The following ATP10B variants were observed in gnomAD, a reference collection of about 807,000 sequenced individuals.
ATP10B encodes the protein phospholipid-transporting ATPase VB.
Under a neutral mutation model 141.2 loss-of-function variants are expected in ATP10B, and 122 were observed. The ratio of observed to expected loss-of-function variants is 0.86; its 90% CI spans 0.75 to 1.00. The LOEUF (loss-of-function observed/expected upper bound fraction) is 1.00. ATP10B is among the 50% of genes least tolerant of loss of function. The probability of loss-of-function intolerance (pLI) is 0.00; values close to 1 mark genes in which losing one functional copy is unlikely to be tolerated. For missense variants in ATP10B, 1,876 were observed against 1,825.3 expected (o/e 1.03, Z -0.51); for synonymous variants, 685 against 692.0 (o/e 0.99, Z 0.16).
intron 7 of ATP10B, among the ~76,000 whole-genome samples, chr5:160,656,787 C>G (rs1272365664): frequency 6.6e-6 from 1 of 151,974 alleles, no homozygotes; most frequent in Non-Finnish European, 1.5e-5. Context: ...CCCTCCGTGT[C>G]CATTAGGAAA....
chr5:160,589,452 T>C (rs1478981902), intron 24 of ATP10B, 140 bp downstream of exon 24: 6 of 684,302 alleles, frequency 8.8e-6, no homozygotes, highest in Admixed American at 4.6e-5. Flanking sequence ...TTCATCCCTG[T>C]ACAGGTAGGA....
chr5:160,575,215 T>A (rs998134073), intron 24 of ATP10B, among the ~76,000 whole-genome samples: 1 of 152,162 alleles, frequency 6.6e-6, no homozygotes, highest in African/African-American at 2.4e-5. Context: ...ATAGCTAAAA[T>A]TTTTTTACAT....
intron 2 of ATP10B, among the ~76,000 whole-genome samples, chr5:160,731,328 A>G (rs1766728880): frequency 6.6e-6 from 1 of 152,156 alleles, no homozygotes; most frequent in African/African-American, 2.4e-5. Context: ...TGCTGTACCT[A>G]GGCTAATCCT....
At chr5:160,905,587 C>T in the ATP10B span, among the ~76,000 whole-genome samples, 1 of 152,126 alleles carries the variant, frequency 6.6e-6, no homozygotes, top group Non-Finnish European at 1.5e-5. Context: ...TCCTCATCTG[C>T]AACACGTTAA....
chr5:160,911,875 T>C, the ATP10B span, among the ~76,000 whole-genome samples: 2 of 152,200 alleles, frequency 1.3e-5, no homozygotes, highest in Non-Finnish European at 1.5e-5. Context: ...TTGTTAAACA[T>C]AATGATGCAC....
chr5:160,893,737 C>A, the ATP10B span, among the ~76,000 whole-genome samples: 5 of 152,200 alleles, frequency 3.3e-5, no homozygotes, highest in Non-Finnish European at 2.9e-5. Context: ...GATCCCCGTG[C>A]CTCCTAACTG....
chr5:160,584,345 C>T (rs1755749174), intron 24 of ATP10B, among the ~76,000 whole-genome samples: 2 of 152,092 alleles, frequency 1.3e-5, no homozygotes, highest in South Asian at 4.2e-4. Context: ...CTTTGGCTCG[C>T]TCTCTGTGGG....
chr5:160,599,632 C>G (rs1247680837), intron 21 of ATP10B, among the ~76,000 whole-genome samples: 2 of 152,164 alleles, frequency 1.3e-5, no homozygotes, highest in Non-Finnish European at 2.9e-5. Flanking sequence ...AGGACGGTGA[C>G]CTCGTGAGAA....
intron 9 of ATP10B, 135 bp from the exon 10 acceptor site, chr5:160,640,727 G>GC: frequency 8.2e-7 from 1 of 1,215,802 alleles, no homozygotes; most frequent in Non-Finnish European, 1.1e-6. Context: ...CCCCGCCTCA[G>GC]AAGGTTGCTG....
the ATP10B span, among the ~76,000 whole-genome samples, chr5:160,865,122 A>G: frequency 3.3e-5 from 5 of 152,158 alleles, no homozygotes; most frequent in South Asian, 2.1e-4. Flanking sequence ...CCAAAGCACT[A>G]CTAGGCAAAA....
At chr5:160,848,917 G>A (rs1216225860) in intron 1 of ATP10B, among the ~76,000 whole-genome samples, 1 of 152,140 alleles carries the variant, frequency 6.6e-6, no homozygotes, top group East Asian at 1.9e-4. Context: ...GAGAAACACT[G>A]CAGTACATAT....
At chr5:160,709,418 C>T (rs1030944532) in intron 3 of ATP10B, among the ~76,000 whole-genome samples, 5 of 151,974 alleles carry the variant, frequency 3.3e-5, no homozygotes, top group Admixed American at 2.6e-4. Context: ...GAAAAGAAAT[C>T]CAAATATCTC....
intron 1 of ATP10B, among the ~76,000 whole-genome samples, chr5:160,807,825 A>C (rs1285270798): frequency 6.6e-6 from 1 of 152,186 alleles, no homozygotes; most frequent in African/African-American, 2.4e-5. Flanking sequence ...AAATCTCTTT[A>C]TGCTTCTAAG....
At chr5:160,810,140 A>AT (rs1161131270) in intron 1 of ATP10B, among the ~76,000 whole-genome samples, 5 of 151,448 alleles carry the variant, frequency 3.3e-5, no homozygotes, top group African/African-American at 4.9e-5. Flanking sequence ...TTTACCTTTT[A>AT]TTTTTTCCTC....
chr5:160,685,147 A>G (rs761747997), intron 6 of ATP10B: 4 of 696,472 alleles, frequency 5.7e-6, no homozygotes, highest in Non-Finnish European at 1.0e-5. Context: ...CCATCCTTCA[A>G]AGAGCAAGTT....
At chr5:160,823,169 T>C (rs1386027392) in intron 1 of ATP10B, among the ~76,000 whole-genome samples, 1 of 151,142 alleles carries the variant, frequency 6.6e-6, no homozygotes, top group Non-Finnish European at 1.5e-5. Flanking sequence ...GCTGGATAAA[T>C]AAAATGTGGT....
At chr5:160,580,972 G>T (rs1473282856) in intron 24 of ATP10B, among the ~76,000 whole-genome samples, 1 of 152,086 alleles carries the variant, frequency 6.6e-6, no homozygotes, top group Non-Finnish European at 1.5e-5. Flanking sequence ...TTCTCTGATG[G>T]TAGTTTGTAT....
chr5:160,734,259 G>A (rs1766956489), intron 2 of ATP10B, among the ~76,000 whole-genome samples: 1 of 151,954 alleles, frequency 6.6e-6, no homozygotes, highest in Non-Finnish European at 1.5e-5. Flanking sequence ...AGTGACACCA[G>A]ATGGAAACTC....
intron 2 of ATP10B, among the ~76,000 whole-genome samples, chr5:160,737,870 G>A (rs911930299): frequency 2.6e-5 from 4 of 151,950 alleles, no homozygotes; most frequent in African/African-American, 9.7e-5. Context: ...AATTATAGTT[G>A]GATATTTAAT....
Sources: gnomAD v4.1 joint callset for allele counts (sites outside exome capture counted in the v4.1 genomes callset) on GRCh38, gnomAD v4.1.1 for gene constraint, MANE v1.5 for transcripts, NCBI Gene and HGNC (gene_info 2026-07-23, HGNC 2026-07-21) for gene names.